ZNF516: variants seen among roughly 807,000 people sequenced by gnomAD.
The protein encoded by ZNF516 is zinc finger protein 516.
ZNF516 carries 19 observed loss-of-function variants against 79.7 expected under a neutral mutation model. The ratio of observed to expected loss-of-function variants is 0.24; its 90% CI spans 0.17 to 0.35. The LOEUF is 0.35. Among genes scored for constraint, ZNF516 ranks in the 10% least tolerant of loss-of-function variants. The pLI, the probability that ZNF516 is intolerant of heterozygous loss-of-function variation, is 1.00. For synonymous variants in ZNF516, 877 were observed against 739.5 expected, an observed-to-expected ratio of 1.19 and a Z score of -3.02; for missense variants, 1,678 against 1,679.5, an observed-to-expected ratio of 1.00 and a Z score of 0.02.
At position 76,442,035 on chromosome 18, in the gene ZNF516, G is replaced by A. The variant is rs1468507463; in HGVS notation, c.1020C>T (p.Cys340=). 6 of 1,613,938 alleles carry A rather than the reference G, an allele frequency of 3.7e-6. No individual in the cohort carries two copies. The East Asian group carries it at 1.3e-4, about 36-fold the overall frequency. ...GLSLYEVCAK[C]GNLFTNLDSL... ...TGTCCAGGTTTGTAAACAGGTTCCCGCACTTGGCGCAGACCTCGTAGAGGC... is the reference window on the plus strand; with the variant it reads ...TGTCCAGGTTTGTAAACAGGTTCCCACACTTGGCGCAGACCTCGTAGAGGC... Residue 340 remains cysteine (C), a synonymous_variant, in exon 3 of 7, where the codon TGC becomes TGT. Coordinates refer to ENST00000443185, the MANE Select transcript of ZNF516 (RefSeq NM_014643.4).
At chr18:76,486,256 G>C (rs139116532) in intron 1 of ZNF516, among the ~76,000 whole-genome samples, 1 of 152,130 alleles carries the variant, frequency 6.6e-6, no homozygotes, top group Non-Finnish European at 1.5e-5. Flanking sequence ...AAATTTCAAA[G>C]AACATTCTCG....
intron 3 of ZNF516, among the ~76,000 whole-genome samples, chr18:76,389,681 T>C (rs2075043964): frequency 6.6e-6 from 1 of 152,232 alleles, no homozygotes. Context: ...TAGTTGATTT[T>C]TGCAGAGTTA....
Position 76,442,570 on chromosome 18 carries a change from C to T in ZNF516, c.485G>A (p.Gly162Glu), listed in dbSNP as rs769003336. 5.0e-6 allele frequency: 8 copies of T among 1,598,418 alleles called. No homozygotes were observed. In the South Asian group the frequency reaches 7.7e-5, roughly 15 times the overall value. Residue 162 changes from glycine to glutamate, a missense_variant, in exon 3 of 7, where the codon GGG (glycine) becomes GAG (glutamate). This residue lies in a region of ZNF516 where 279 missense variants were observed against 254.1 expected (regional missense o/e 1.10). Coordinates refer to ENST00000443185, the MANE Select transcript of ZNF516 (RefSeq NM_014643.4). ...GGCCTCCCCCGGGGCGCATGCGGACCCCTCTGCCCCCTTCTTGCTGCTCCG... is the reference window on the plus strand; with the variant it reads ...GGCCTCCCCCGGGGCGCATGCGGACTCCTCTGCCCCCTTCTTGCTGCTCCG... ...LLRSSKKGAE[G>E]SACAPGEAKA...
chr18:76,442,068 G>A lies in ZNF516; in HGVS notation c.987C>T (p.Ala329=), dbSNP rs765748077. 29 of 1,613,886 alleles carry A rather than the reference G, an allele frequency of 1.8e-5. No homozygotes were observed. Among genetic ancestry groups the A allele is most frequent in the African/African-American group, 1.1e-4 (8 of 74,952 alleles). Residue 329 remains alanine, a synonymous_variant, in exon 3 of 7, where the codon GCC becomes GCT. Coordinates refer to ENST00000443185, the MANE Select transcript of ZNF516 (RefSeq NM_014643.4). ...NNVVQEEVIV[A]GLSLYEVCAK... ...CGCAGACCTCGTAGAGGCTCAGGCC[G>A]GCGACGATCACCTCCTCCTGGACCA...
rs1040300712 is a variant in ZNF516, at chr18:76,467,692, G to A, written c.-271-4551C>T. 1.3e-5 allele frequency among the ~76,000 whole-genome samples: 2 copies of A among 152,208 alleles called. No individual in the cohort carries two copies. The highest frequency in any genetic ancestry group is 2.9e-5 in the Non-Finnish European group (2 of 68,026). On this transcript the variant is annotated intron_variant, in intron 1 of 6. Transcript: ENST00000443185. This position sits in a 1 kb window ranked among gnomAD's most constrained non-coding sequence, Gnocchi z 4.2. ...CTCAAAGGCTACACCTCAAAAACAT[G>A]TTGCAATCTACATGGGCTGCCTCAT...
chr18:76,440,718 GGAGGA>G (rs1257551084), intron 3 of ZNF516, among the ~76,000 whole-genome samples: 3 of 146,154 alleles, frequency 2.1e-5, no homozygotes, highest in Non-Finnish European at 3.0e-5. Context: ...CAGCTGGAGT[GGAGGA>G]AAGTGTGTGT....
At position 76,442,525 on chromosome 18, in the gene ZNF516, G is replaced by C. The variant is rs774299625; in HGVS notation, c.530C>G (p.Ser177Cys). The change falls in exon 3 of 7, where the codon TCC (serine) becomes TGC (cysteine). Residue 177 changes from serine (S) to cysteine (C), a missense_variant. By Grantham distance (112) the Ser-to-Cys change is moderately radical (BLOSUM62 -1). Around this residue, in one of 5 missense-constraint regions of ZNF516, gnomAD observed 279 missense variants for 254.1 expected, o/e 1.10. Coordinates refer to ENST00000443185, the MANE Select transcript of ZNF516 (RefSeq NM_014643.4). ...ACGCTCGAACTGGCTCTTGCAGAAG[G>C]AGCACTGGACCGCTGCCTTGGCCTC... ...PGEAKAAVQC[S>C]FCKSQFERKK... 1.2e-5 allele frequency: 19 copies of C among 1,600,474 alleles called. No individual in the cohort carries two copies. The South Asian group carries it at 2.1e-4, about 18-fold the overall frequency.
intron 1 of ZNF516, among the ~76,000 whole-genome samples, chr18:76,468,521 A>G (rs560310799): frequency 4.0e-5 from 6 of 149,878 alleles, no homozygotes; most frequent in Non-Finnish European, 8.9e-5. Flanking sequence ...GGCTCAAGCG[A>G]TCCTCCCACC....
intron 1 of ZNF516, among the ~76,000 whole-genome samples, chr18:76,476,037 T>C (rs930090865): frequency 2.6e-5 from 4 of 152,220 alleles, no homozygotes; most frequent in Non-Finnish European, 4.4e-5. Flanking sequence ...CTTTCGACTG[T>C]AAATATCTCG....
At chr18:76,401,447 T>C (rs2075220180) in intron 3 of ZNF516, among the ~76,000 whole-genome samples, 1 of 152,184 alleles carries the variant, frequency 6.6e-6, no homozygotes, top group African/African-American at 2.4e-5. Context: ...GCTGGAGCCC[T>C]GGATCTATGA....
rs2074486276 is a variant in ZNF516, at chr18:76,358,433, G to A, written c.*4065C>T. ...ACTGCCTCAAAGCAGAATTAGCAAAGCTGATGAAGAATGAACATTTTCCCT... is the reference window on the plus strand; with the variant it reads ...ACTGCCTCAAAGCAGAATTAGCAAAACTGATGAAGAATGAACATTTTCCCT... On this transcript the variant is annotated 3_prime_UTR_variant, in exon 7 of 7. Transcript: ENST00000443185. The A allele has an allele frequency of 6.6e-6, 1 of 152,196 alleles. No homozygotes were observed. The highest frequency in any genetic ancestry group is 2.4e-5 in the African/African-American group (1 of 41,446). 9.4% of individuals were successfully genotyped at this position (152,196 alleles called of 1,614,324 possible).
chr18:76,364,446 A>C (rs2074584102), intron 6 of ZNF516, among the ~76,000 whole-genome samples: 1 of 152,214 alleles, frequency 6.6e-6, no homozygotes, highest in South Asian at 2.1e-4. Context: ...CCTGGAAGGG[A>C]AAGAGTAGTC....
At chr18:76,434,474 G>A (rs150444543) in intron 3 of ZNF516, among the ~76,000 whole-genome samples, 327 of 152,282 alleles carry the variant, frequency 2.1e-3, no homozygotes, top group African/African-American at 7.6e-3. Context: ...ATCTGTAAAC[G>A]CATCCACTGG....
intron 3 of ZNF516, among the ~76,000 whole-genome samples, chr18:76,438,164 G>A (rs2075768624): frequency 6.6e-6 from 1 of 152,242 alleles, no homozygotes. Flanking sequence ...CACTTCTCAG[G>A]ATGGCACGAA....
intron 3 of ZNF516, among the ~76,000 whole-genome samples, chr18:76,431,269 A>AC (rs71172333): frequency 3.3e-5 from 5 of 152,090 alleles, no homozygotes; most frequent in African/African-American, 7.3e-5. Flanking sequence ...ACACACACAC[A>AC]AAAACACTTA....
At chr18:76,397,341 T>C (rs576637795) in intron 3 of ZNF516, among the ~76,000 whole-genome samples, 2 of 151,882 alleles carry the variant, frequency 1.3e-5, no homozygotes, top group South Asian at 2.1e-4. Context: ...ATGATTCTTA[T>C]CATGACACAT....
chr18:76,395,850 A>T (rs549428753), intron 3 of ZNF516, among the ~76,000 whole-genome samples: 1 of 152,312 alleles, frequency 6.6e-6, no homozygotes, highest in Non-Finnish European at 1.5e-5. Flanking sequence ...GCCGCCCTGC[A>T]GGAGCCAAGT....
intron 2 of ZNF516, among the ~76,000 whole-genome samples, chr18:76,458,186 GACAA>G (rs1568310056): frequency 1.3e-5 from 2 of 152,176 alleles, no homozygotes; most frequent in Admixed American, 6.5e-5. Context: ...GATGCGAAAT[GACAA>G]ACAGAAATCC....
chr18:76,496,141 G>A, upstream of ZNF516: 3 of 566,078 alleles, frequency 5.3e-6, no homozygotes, highest in South Asian at 3.8e-5. Context: ...TGGCCGGGGT[G>A]GGGGAGGGGA....
Sources: gnomAD v4.1 joint callset for allele counts (sites outside exome capture counted in the v4.1 genomes callset) on GRCh38, gnomAD v4.1.1 for gene constraint, gnomAD v4.1.1 regional missense constraint, Gnocchi (gnomAD v3.1) non-coding constraint, MANE v1.5 for transcripts, NCBI Gene and HGNC (gene_info 2026-07-23, HGNC 2026-07-21) for gene names.